The following LIMA1 variants were observed in gnomAD, a reference collection of about 807,000 sequenced individuals.
LIMA1 encodes LIM domain and actin binding 1.
A neutral mutation model predicts 62.6 loss-of-function variants in LIMA1; 52 were observed. The ratio of observed to expected loss-of-function variants is 0.83; its 90% confidence interval spans 0.67 to 1.05. The LOEUF (loss-of-function observed/expected upper bound fraction) is 1.05, where lower values mean the gene tolerates loss of function less well. LIMA1 is among the 50% of genes least tolerant of loss of function. The pLI is 0.00. For missense variants in LIMA1, 780 were observed against 902.2 expected, an observed-to-expected ratio of 0.86 and a Z score of 1.74; for synonymous variants, 302 against 317.8, an observed-to-expected ratio of 0.95 and a Z score of 0.53.
At chr12:50,249,067 T>C (rs1307797323) in intron 1 of LIMA1, among the ~76,000 whole-genome samples, 6 of 152,216 alleles carry the variant, frequency 3.9e-5, no homozygotes, top group African/African-American at 1.4e-4. Context: ...AAAGTCACAT[T>C]TGGAGTGAAA....
chr12:50,242,800 G>GCTGGGCCTGGGATCTGGGACTGGGAT (rs946585595), intron 2 of LIMA1, among the ~76,000 whole-genome samples: 1 of 152,182 alleles, frequency 6.6e-6, no homozygotes, highest in African/African-American at 2.4e-5. Context: ...AATCTAAAGA[G>GCTGGGCCTGGGATCTGGGACTGGGAT]CTGGGCCTGG....
At chr12:50,197,595 C>A (rs1033177606) in intron 7 of LIMA1, among the ~76,000 whole-genome samples, 5 of 152,110 alleles carry the variant, frequency 3.3e-5, no homozygotes, top group African/African-American at 7.2e-5. Flanking sequence ...CACTAATGTC[C>A]TTTTAGGCTA....
intron 1 of LIMA1, among the ~76,000 whole-genome samples, chr12:50,279,739 C>T (rs115371418): frequency 0.014 from 2,114 of 152,294 alleles, 46 homozygotes; most frequent in African/African-American, 0.049. Context: ...ACAGAAACCA[C>T]TGGATACTAT....
intron 1 of LIMA1, among the ~76,000 whole-genome samples, chr12:50,250,407 T>C (rs568907895): frequency 1.3e-5 from 2 of 148,644 alleles, no homozygotes; most frequent in South Asian, 2.1e-4. Flanking sequence ...CTGGGTAACA[T>C]AGCAAGACCC....
chr12:50,251,857 AC>A (rs1941935550), intron 1 of LIMA1, among the ~76,000 whole-genome samples: 1 of 152,142 alleles, frequency 6.6e-6, no homozygotes, highest in African/African-American at 2.4e-5. Flanking sequence ...TCTCACCCTG[AC>A]CACACTTGTC....
chr12:50,274,168 A>C (rs978544166), intron 1 of LIMA1, among the ~76,000 whole-genome samples: 1 of 152,198 alleles, frequency 6.6e-6, no homozygotes, highest in Non-Finnish European at 1.5e-5. Flanking sequence ...GGATTGCAAA[A>C]CAAAACAAGA....
intron 8 of LIMA1, among the ~76,000 whole-genome samples, chr12:50,195,192 G>T (rs1944788849): frequency 6.6e-6 from 1 of 151,980 alleles, no homozygotes; most frequent in African/African-American, 2.4e-5. Flanking sequence ...AACAGAAAGA[G>T]ACCCTGTCTC....
At chr12:50,278,338 C>T (rs908519910) in intron 1 of LIMA1, among the ~76,000 whole-genome samples, 4 of 152,136 alleles carry the variant, frequency 2.6e-5, no homozygotes, top group African/African-American at 9.7e-5. Context: ...AGGAGAATGG[C>T]ATGAACCCGG....
chr12:50,257,397 T>A (rs1942010749), intron 1 of LIMA1, among the ~76,000 whole-genome samples: 1 of 152,214 alleles, frequency 6.6e-6, no homozygotes, highest in South Asian at 2.1e-4. Flanking sequence ...GGAGGCTATA[T>A]GAGTAAACAG....
intron 7 of LIMA1, 63 bp from the exon 8 acceptor site, chr12:50,195,950 A>G: frequency 6.7e-7 from 1 of 1,489,766 alleles, no homozygotes; most frequent in East Asian, 2.4e-5. Flanking sequence ...AAAATAAAAG[A>G]GCAAACTGCT....
intron 1 of LIMA1, among the ~76,000 whole-genome samples, chr12:50,250,831 C>G (rs1941920842): frequency 6.6e-6 from 1 of 152,112 alleles, no homozygotes; most frequent in South Asian, 2.1e-4. Flanking sequence ...TTCCCTAAAA[C>G]TTGGATTTCT....
intron 3 of LIMA1, among the ~76,000 whole-genome samples, chr12:50,227,239 T>TTTC (rs2138574281): frequency 1.2e-5 from 1 of 80,988 alleles, no homozygotes; most frequent in African/African-American, 4.6e-5. Context: ...TTTCTTTTCT[T>TTTC]TTTTTTTTTT....
At chr12:50,262,341 T>C (rs961647181) in intron 1 of LIMA1, among the ~76,000 whole-genome samples, 8 of 152,210 alleles carry the variant, frequency 5.3e-5, no homozygotes, top group African/African-American at 1.9e-4. Flanking sequence ...TATACAATAC[T>C]GATTTTTCAG....
chr12:50,242,325 A>G (rs1047700666), intron 2 of LIMA1, among the ~76,000 whole-genome samples: 1 of 152,012 alleles, frequency 6.6e-6, no homozygotes, highest in Non-Finnish European at 1.5e-5. Flanking sequence ...TATTGAAGGA[A>G]GAATAGTCAC....
chr12:50,204,278 T>C, intron 6 of LIMA1: 2 of 324,168 alleles, frequency 6.2e-6, no homozygotes. Context: ...ACACAAAGAT[T>C]AAGTAGAAGA....
rs1472804464 is a variant in LIMA1 at position 50,179,404 on chromosome 12, G to T, written c.1275-1335C>A. The stretch of plus-strand genomic sequence containing the variant: ...ATCTGCCCGCCTCGGCCTCCCAAAG[G>T]GCTGGGATTACAGGCGTGAGCCACC... On this transcript the variant is annotated intron_variant, in intron 10 of 10. Transcript: ENST00000341247. Among the ~76,000 whole-genome samples, 242 of 120,916 alleles carry T rather than the reference G, an allele frequency of 2.0e-3. No individual in the cohort carries two copies. In the Middle Eastern group the frequency reaches 0.021, roughly 10 times the overall value. The allele number at this position is 120,916 out of a possible 152,430, so 79.3% of individuals were successfully genotyped here.
chr12:50,278,335 T>C (rs1047283741), intron 1 of LIMA1, among the ~76,000 whole-genome samples: 1 of 151,788 alleles, frequency 6.6e-6, no homozygotes, highest in Non-Finnish European at 1.5e-5. Context: ...GGCAGGAGAA[T>C]GGCATGAACC....
At chr12:50,193,493 TATATC>T (rs1413576774) in intron 8 of LIMA1, among the ~76,000 whole-genome samples, 22 of 134,998 alleles carry the variant, frequency 1.6e-4, no homozygotes, top group African/African-American at 4.9e-4. Context: ...ATAGTATATA[TATATC>T]ATATATGTGT....
In LIMA1 at chr12:50,177,298, A is replaced by G; in HGVS notation, c.2046T>C (p.Asn682=). ...LEMENENLVE[N]GADSDEDDNS... Reference sequence around the variant, plus strand: ...TATCATCTTCATCGGAGTCTGCACCATTTTCTACAAGATTCTCATTCTCCA... The same window carrying G: ...TATCATCTTCATCGGAGTCTGCACCGTTTTCTACAAGATTCTCATTCTCCA... Residue 682 remains asparagine, a synonymous_variant, in exon 11 of 11, where the codon AAT becomes AAC. Transcript: ENST00000341247. 1 of 1,614,114 alleles carries G rather than the reference A, an allele frequency of 6.2e-7. No homozygotes were observed. The highest frequency in any genetic ancestry group is 1.3e-5 in the African/African-American group (1 of 75,028).
Sources: allele counts gnomAD v4.1 joint callset (sites outside exome capture counted in the v4.1 genomes callset), GRCh38; gene constraint gnomAD v4.1.1; transcripts MANE v1.5; gene names NCBI Gene and HGNC (gene_info 2026-07-23, HGNC 2026-07-21).